TRIM33: variants seen among roughly 807,000 people sequenced by gnomAD.
TRIM33 encodes the protein tripartite motif containing 33.
TRIM33 carries 20 observed loss-of-function variants against 125.4 expected under a neutral mutation model. That is an observed-to-expected ratio of 0.16 (90% confidence interval 0.11 to 0.23). TRIM33 has a LOEUF of 0.23. Among genes scored for constraint, TRIM33 ranks in the 10% least tolerant of loss-of-function variants. The pLI is 1.00. For synonymous variants in TRIM33, 564 were observed against 513.9 expected, an observed-to-expected ratio of 1.10 and a Z score of -1.32; for missense variants, 920 against 1,411.4, an observed-to-expected ratio of 0.65 and a Z score of 5.58.
intron 6 of TRIM33, among the ~76,000 whole-genome samples, chr1:114,429,581 GTAAT>G (rs979669573): frequency 6.7e-6 from 1 of 150,150 alleles, no homozygotes; most frequent in Non-Finnish European, 1.5e-5. Context: ...TCATTTTTAT[GTAAT>G]TATTCACCTA....
chr1:114,434,531 A>G (rs2101202525), intron 4 of TRIM33, among the ~76,000 whole-genome samples: 1 of 152,360 alleles, frequency 6.6e-6, no homozygotes, highest in East Asian at 1.9e-4. Flanking sequence ...TTCTAATCAT[A>G]ATAGTGCAAA....
chr1:114,487,992 A>G (rs929927903), intron 1 of TRIM33, among the ~76,000 whole-genome samples: 1 of 151,900 alleles, frequency 6.6e-6, no homozygotes, highest in Non-Finnish European at 1.5e-5. Context: ...AGCTTATAAA[A>G]AAGATCATAT....
chr1:114,452,384 C>T (rs1008178434), intron 4 of TRIM33, among the ~76,000 whole-genome samples: 3 of 151,996 alleles, frequency 2.0e-5, no homozygotes, highest in East Asian at 1.9e-4. Flanking sequence ...CGCTTGAAAC[C>T]GGGAGGCGGA....
At chr1:114,410,430 A>T (rs1010584824) in intron 11 of TRIM33, 114 bp from the exon 12 acceptor site, 2 of 1,094,870 alleles carry the variant, frequency 1.8e-6, no homozygotes, top group African/African-American at 3.2e-5. Context: ...ATCCAATATC[A>T]AGCTGAGCCT....
At chr1:114,410,056 C>T (rs1205547916) in intron 12 of TRIM33, 128 bp downstream of exon 12, 2 of 1,195,968 alleles carry the variant, frequency 1.7e-6, no homozygotes, top group African/African-American at 1.5e-5. Context: ...AAATCTCTCT[C>T]AATCTCCCTT....
chr1:114,493,464 T>C (rs1433961089), intron 1 of TRIM33, among the ~76,000 whole-genome samples: 1 of 152,202 alleles, frequency 6.6e-6, no homozygotes, highest in East Asian at 1.9e-4. Flanking sequence ...TGTTTTGTTT[T>C]TGTAGAGACA....
At chr1:114,493,278 A>G (rs1207927072) in intron 1 of TRIM33, among the ~76,000 whole-genome samples, 1 of 152,152 alleles carries the variant, frequency 6.6e-6, no homozygotes, top group Admixed American at 6.5e-5. Flanking sequence ...AGAGTTCTTT[A>G]TATATTTCAC....
intron 11 of TRIM33, among the ~76,000 whole-genome samples, chr1:114,413,749 G>A: frequency 6.6e-6 from 1 of 151,628 alleles, no homozygotes; most frequent in Non-Finnish European, 1.5e-5. Flanking sequence ...TGGCCAGGTT[G>A]GCTCATATCT....
rs3077592 is a variant in TRIM33, at chr1:114,414,027, G to GCACACACACACA, written c.2062-3723_2062-3712dup. On this transcript the variant is annotated intron_variant, in intron 11 of 19. Transcript: ENST00000358465. ...CAAAATAAACCAAAATAAATCACAG[G>GCACACACACACA]CACACACACACACACACACACACAC... Among the ~76,000 whole-genome samples the GCACACACACACA allele has an allele frequency of 7.6e-3, 995 of 130,658 alleles. 12 individuals carry two copies. Among genetic ancestry groups the GCACACACACACA allele is most frequent in the African/African-American group, 0.019 (651 of 33,620 alleles). The allele number at this position is 130,658 out of a possible 152,430, so 85.7% of individuals were successfully genotyped here.
At chr1:114,500,112 A>T (rs1175007816) in intron 1 of TRIM33, among the ~76,000 whole-genome samples, 1 of 152,196 alleles carries the variant, frequency 6.6e-6, no homozygotes, top group Non-Finnish European at 1.5e-5. Flanking sequence ...CGTTGCAGTG[A>T]GCAGAGATCG....
At chr1:114,508,861 T>A (rs1276527261) in intron 1 of TRIM33, among the ~76,000 whole-genome samples, 4 of 152,292 alleles carry the variant, frequency 2.6e-5, no homozygotes, top group Non-Finnish European at 5.9e-5. Flanking sequence ...AATAACCCTA[T>A]GAGGTTATAT....
At chr1:114,480,115 C>A (rs1211971238) in intron 1 of TRIM33, among the ~76,000 whole-genome samples, 1 of 152,124 alleles carries the variant, frequency 6.6e-6, no homozygotes, top group Non-Finnish European at 1.5e-5. Context: ...ATAGGAGACT[C>A]CATTTTTGTT....
intron 8 of TRIM33, among the ~76,000 whole-genome samples, chr1:114,426,230 T>C (rs753382954): frequency 4.6e-5 from 7 of 152,194 alleles, no homozygotes; most frequent in African/African-American, 1.4e-4. Context: ...TATGGAGCCA[T>C]TGCCTTCTAG....
chr1:114,481,226 A>G (rs1651312534), intron 1 of TRIM33, among the ~76,000 whole-genome samples: 1 of 152,274 alleles, frequency 6.6e-6, no homozygotes, highest in South Asian at 2.1e-4. Context: ...AGTAAAATGA[A>G]GCATTTTATA....
At chr1:114,481,678 T>A (rs2101488476) in intron 1 of TRIM33, among the ~76,000 whole-genome samples, 1 of 83,214 alleles carries the variant, frequency 1.2e-5, no homozygotes, top group Non-Finnish European at 2.5e-5. Context: ...TATGTGTGTA[T>A]ATATATATAT....
chr1:114,495,640 C>A (rs1434100984), intron 1 of TRIM33, among the ~76,000 whole-genome samples: 2 of 152,078 alleles, frequency 1.3e-5, no homozygotes, highest in East Asian at 3.8e-4. Context: ...ATTATTAATT[C>A]AGATAATCTA....
intron 6 of TRIM33, among the ~76,000 whole-genome samples, chr1:114,430,076 G>T (rs907081178): frequency 1.3e-5 from 2 of 151,798 alleles, no homozygotes; most frequent in African/African-American, 4.8e-5. Flanking sequence ...CAAAACTATG[G>T]AAATATTTTT....
At chr1:114,402,644 G>A in intron 16 of TRIM33, 116 bp downstream of exon 16, 1 of 1,215,924 alleles carries the variant, frequency 8.2e-7, no homozygotes, top group Non-Finnish European at 1.1e-6. Flanking sequence ...TCAGATGACA[G>A]GATTAAAAAT....
intron 4 of TRIM33, among the ~76,000 whole-genome samples, chr1:114,462,780 C>T (rs547577231): frequency 6.6e-5 from 10 of 152,142 alleles, no homozygotes; most frequent in Middle Eastern, 3.4e-3. Flanking sequence ...TTGTAGATTA[C>T]AGCCAAAAAT....
Sources: gnomAD v4.1 joint callset for allele counts (sites outside exome capture counted in the v4.1 genomes callset) on GRCh38, gnomAD v4.1.1 for gene constraint, MANE v1.5 for transcripts, NCBI Gene and HGNC (gene_info 2026-07-23, HGNC 2026-07-21) for gene names.